CTSO: variants seen among roughly 807,000 people sequenced by gnomAD.
CTSO encodes the protein cathepsin O.
In CTSO, 40 loss-of-function variants were observed where a neutral mutation model predicts 42.4. The observed-to-expected ratio is 0.94, with a 90% CI of 0.73 to 1.23. The LOEUF (loss-of-function observed/expected upper bound fraction) is 1.23, where lower values mean the gene tolerates loss of function less well. Ranked by LOEUF, CTSO falls within the 50% of genes most tolerant of loss-of-function variation. CTSO has a pLI of 0.00. For synonymous variants in CTSO, 156 were observed against 146.2 expected (o/e 1.07, Z -0.48); for missense variants, 441 against 396.0 (o/e 1.11, Z -0.96).
At chr4:155,935,068 A>T (rs1317921679) in intron 5 of CTSO, among the ~76,000 whole-genome samples, 1 of 151,918 alleles carries the variant, frequency 6.6e-6, no homozygotes, top group Non-Finnish European at 1.5e-5. Flanking sequence ...ACCCAGGGGG[A>T]GGTAATTGAA....
chr4:155,931,809 A>T (rs1022502122), intron 5 of CTSO, among the ~76,000 whole-genome samples: 3 of 150,706 alleles, frequency 2.0e-5, no homozygotes, highest in African/African-American at 7.3e-5. Context: ...TTATTATTAT[A>T]ATTATTATTA....
rs938408508 is a variant in CTSO at position 155,953,768 on chromosome 4, G to A, written c.80C>T (p.Ala27Val). The change falls in exon 1 of 8, where the codon GCC becomes GTC. Residue 27 changes from alanine (A) to valine (V), a missense_variant. Coordinates refer to ENST00000433477, the MANE Select transcript of CTSO (RefSeq NM_001334.3). ...CRGGGDADSR[A>V]PFTPTWPRSR... is the part of the protein sequence containing the mutation. ...CCGCGGCCAGGTCGGGGTGAAGGGGGCGCGGGAGTCCGCATCGCCGCCGCC... is the reference window on the plus strand; with the variant it reads ...CCGCGGCCAGGTCGGGGTGAAGGGGACGCGGGAGTCCGCATCGCCGCCGCC... The A allele has an allele frequency of 2.7e-5, 36 of 1,336,232 alleles. No individual in the cohort carries two copies. In the Admixed American group the frequency reaches 3.8e-4, roughly 14 times the overall value. 82.8% of individuals were successfully genotyped at this position (1,336,232 alleles called of 1,614,324 possible). A position where few individuals can be genotyped will look rare whatever the true frequency, so the allele number is the denominator to read the frequency against.
chr4:155,941,603 T>G (rs1200977422), intron 3 of CTSO, among the ~76,000 whole-genome samples: 1 of 152,256 alleles, frequency 6.6e-6, no homozygotes, highest in Non-Finnish European at 1.5e-5. Context: ...CTGTGTCTAT[T>G]AGTTTTCTGT....
intron 3 of CTSO, 107 bp downstream of exon 3, chr4:155,942,210 G>T: frequency 1.1e-6 from 1 of 927,622 alleles, no homozygotes; most frequent in Non-Finnish European, 1.5e-6. Flanking sequence ...ACTGAGATGT[G>T]ATTTTCCTAG....
chr4:155,933,437 T>C (rs1579340961), intron 5 of CTSO, among the ~76,000 whole-genome samples: 1 of 152,238 alleles, frequency 6.6e-6, no homozygotes, highest in Non-Finnish European at 1.5e-5. Context: ...AATGGACTCA[T>C]AGTAAATTGG....
At chr4:155,942,705 C>A (rs1476874419) in intron 2 of CTSO, among the ~76,000 whole-genome samples, 1 of 151,828 alleles carries the variant, frequency 6.6e-6, no homozygotes, top group Non-Finnish European at 1.5e-5. Context: ...TTGTGCTTTT[C>A]TATAACATAA....
chr4:155,925,775 T>A lies in CTSO; in HGVS notation c.*261A>T. 1 of 425,842 alleles carries A rather than the reference T, an allele frequency of 2.3e-6. No homozygotes were observed. Among genetic ancestry groups the A allele is most frequent in the Non-Finnish European group, 4.1e-6 (1 of 244,024 alleles). 26.4% of individuals were successfully genotyped at this position (425,842 alleles called of 1,614,324 possible). A position where few individuals can be genotyped will look rare whatever the true frequency, so the allele number is the denominator to read the frequency against. Reference sequence around the variant, plus strand: ...TGCAGGGGCCTAAAATATCTCCTAATCTGAATTTCGTCTCAGGACAGGAAA... The same window carrying A: ...TGCAGGGGCCTAAAATATCTCCTAAACTGAATTTCGTCTCAGGACAGGAAA... On this transcript the variant is annotated 3_prime_UTR_variant, in exon 8 of 8. Coordinates refer to ENST00000433477, the MANE Select transcript of CTSO (RefSeq NM_001334.3).
At chr4:155,927,627 C>T (rs1021322076) in intron 7 of CTSO, among the ~76,000 whole-genome samples, 3 of 151,960 alleles carry the variant, frequency 2.0e-5, no homozygotes, top group Non-Finnish European at 4.4e-5. Flanking sequence ...AACAAAAAAT[C>T]AGCCAGGTGT....
At chr4:155,952,286 C>G (rs1743688506) in intron 1 of CTSO, among the ~76,000 whole-genome samples, 1 of 152,120 alleles carries the variant, frequency 6.6e-6, no homozygotes, top group African/African-American at 2.4e-5. Context: ...CAGGGTATGG[C>G]CTCTTTACAG....
Position 155,928,344 on chromosome 4 carries a change from T to G in CTSO, c.923A>C (p.Asn308Thr). The G allele has an allele frequency of 6.2e-7, 1 of 1,610,616 alleles. No homozygotes were observed. The highest frequency in any genetic ancestry group is 8.5e-7 in the Non-Finnish European group (1 of 1,177,662). The change falls in exon 7 of 8, where the codon AAT (asparagine) becomes ACT (threonine). Residue 308 changes from asparagine to threonine, a missense_variant. Asn to Thr is a moderately conservative substitution (Grantham distance 65). Coordinates refer to ENST00000433477, the MANE Select transcript of CTSO (RefSeq NM_001334.3). ...ACAAACTCATGACTTACCACAAACATTACTTCCCATTTTGACATGGGCATA... is the reference window on the plus strand; with the variant it reads ...ACAAACTCATGACTTACCACAAACAGTACTTCCCATTTTGACATGGGCATA... Reference protein sequence around the residue: ...DGYAHVKMGSNVCGIADSVSS... With the variant: ...DGYAHVKMGSTVCGIADSVSS...
chr4:155,930,810 AT>A (rs1198002992), intron 5 of CTSO, among the ~76,000 whole-genome samples: 5 of 152,186 alleles, frequency 3.3e-5, no homozygotes, highest in Non-Finnish European at 5.9e-5. Context: ...ACATTTATTC[AT>A]GTTAACTATT....
chr4:155,946,142 G>A (rs959469552), intron 1 of CTSO, among the ~76,000 whole-genome samples: 1 of 152,182 alleles, frequency 6.6e-6, no homozygotes, highest in Non-Finnish European at 1.5e-5. Context: ...TAGTTGGAGA[G>A]CTAATGCAAG....
intron 1 of CTSO, among the ~76,000 whole-genome samples, chr4:155,945,615 G>C (rs1406069666): frequency 6.6e-6 from 1 of 152,158 alleles, no homozygotes; most frequent in Non-Finnish European, 1.5e-5. Flanking sequence ...TATCCTTTGA[G>C]AAAATCAAGA....
At chr4:155,947,471 G>A (rs1406119984) in intron 1 of CTSO, among the ~76,000 whole-genome samples, 1 of 152,144 alleles carries the variant, frequency 6.6e-6, no homozygotes, top group East Asian at 1.9e-4. Flanking sequence ...CATTAGAAAT[G>A]AGGATCAATA....
chr4:155,943,156 C>T lies in CTSO; in HGVS notation c.244G>A (p.Ala82Thr). 6.3e-7 allele frequency: 1 copy of T among 1,589,304 alleles called. No homozygotes were observed. Among genetic ancestry groups the T allele is most frequent in the Non-Finnish European group, 8.6e-7 (1 of 1,159,722 alleles). The change falls in exon 2 of 8, where the codon GCC becomes ACC. Residue 82 changes from alanine (A) to threonine (T), a missense_variant and splice_region_variant. Transcript: ENST00000433477. ...CCTAAATAGCAACATCGGACTATAC[C>T]TTTAAACTCTTCAGGAAACAAATAG... ...FSYLFPEEFK[A>T]IYLRSKPSKF...
chr4:155,952,630 G>A (rs1176964153), intron 1 of CTSO, among the ~76,000 whole-genome samples: 1 of 152,200 alleles, frequency 6.6e-6, no homozygotes, highest in Admixed American at 6.5e-5. Flanking sequence ...TAATAAAGTG[G>A]AGATAACAGT....
intron 7 of CTSO, 148 bp from the exon 8 acceptor site, chr4:155,926,218 G>A: frequency 1.7e-6 from 1 of 592,556 alleles, no homozygotes; most frequent in Non-Finnish European, 2.9e-6. Flanking sequence ...TGTAAACATG[G>A]TATCATCAAA....
At chr4:155,935,086 G>T (rs1448418315) in intron 5 of CTSO, among the ~76,000 whole-genome samples, 1 of 152,202 alleles carries the variant, frequency 6.6e-6, no homozygotes, top group East Asian at 1.9e-4. Flanking sequence ...GAATTCATGG[G>T]GGCTGGTCTT....
At chr4:155,931,804 A>G (rs1743238834) in intron 5 of CTSO, among the ~76,000 whole-genome samples, 1 of 150,756 alleles carries the variant, frequency 6.6e-6, no homozygotes, top group Admixed American at 6.6e-5. Context: ...ACGAATTATT[A>G]TTATAATTAT....
Sources: allele counts gnomAD v4.1 joint callset (sites outside exome capture counted in the v4.1 genomes callset), GRCh38; gene constraint gnomAD v4.1.1; transcripts MANE v1.5; gene names NCBI Gene and HGNC (gene_info 2026-07-23, HGNC 2026-07-21).